Variants in BICRAL observed in about 807,000 individuals in gnomAD.
BICRAL encodes the protein BRD4-interacting chromatin-remodeling complex-associated protein-like.
A neutral mutation model predicts 91.8 loss-of-function variants in BICRAL; 8 were observed. The ratio of observed to expected loss-of-function variants is 0.09; its 90% CI spans 0.05 to 0.16. The LOEUF (loss-of-function observed/expected upper bound fraction) is 0.16, where lower values mean the gene tolerates loss of function less well. BICRAL is among the 10% of genes least tolerant of loss of function. The probability of loss-of-function intolerance (pLI) is 1.00; values close to 1 mark genes in which losing one functional copy is unlikely to be tolerated. For synonymous variants in BICRAL, 445 were observed against 491.1 expected (o/e 0.91, Z 1.24); for missense variants, 1,038 against 1,310.9 (o/e 0.79, Z 3.21).
chr6:42,836,219 T>G (rs1764634230), intron 6 of BICRAL, among the ~76,000 whole-genome samples: 1 of 152,204 alleles, frequency 6.6e-6, no homozygotes, highest in African/African-American at 2.4e-5. Flanking sequence ...ATGTTTATTA[T>G]AATTAATTAA....
At chr6:42,849,060 T>C (rs1765102669) in intron 6 of BICRAL, among the ~76,000 whole-genome samples, 1 of 152,084 alleles carries the variant, frequency 6.6e-6, no homozygotes, top group Non-Finnish European at 1.5e-5. Context: ...ATAGTTTAGG[T>C]TCACCCTTCC....
intron 6 of BICRAL, among the ~76,000 whole-genome samples, chr6:42,848,061 G>A (rs1242785395): frequency 3.3e-4 from 50 of 151,958 alleles, no homozygotes; most frequent in African/African-American, 1.1e-3. Context: ...CCCAGGAGGC[G>A]GAGCTTGCAG....
intron 7 of BICRAL, 107 bp from the exon 8 acceptor site, chr6:42,853,531 C>A (rs1356586030): frequency 1.3e-6 from 1 of 755,576 alleles, no homozygotes; most frequent in East Asian, 2.5e-5. Flanking sequence ...GATAAAGAAA[C>A]CCGTTTCAGA....
intron 1 of BICRAL, among the ~76,000 whole-genome samples, chr6:42,756,619 T>C (rs12195802): frequency 0.26 from 39,784 of 151,844 alleles, 5,422 homozygotes; most frequent in African/African-American, 0.31. Context: ...AAATGAGGTT[T>C]TTATTGCCCC....
rs1237051806 is a variant in BICRAL at position 42,864,892 on chromosome 6, A to G, written c.2686A>G (p.Lys896Glu). 1 of 1,614,078 alleles carries G rather than the reference A, an allele frequency of 6.2e-7. No individual in the cohort carries two copies. Among genetic ancestry groups the G allele is most frequent in the East Asian group, 2.2e-5 (1 of 44,900 alleles). ...VVSAEGNISK[K>E]TECLGRALKF... ...CTCTGCAGAAGGAAACATTTCTAAA[A>G]AAACAGAATGCCTTGGCAGAGCACT... Residue 896 changes from lysine to glutamate, a missense_variant, in exon 13 of 13, where the codon AAA (lysine) becomes GAA (glutamate). Lys to Glu is a moderately conservative substitution (Grantham distance 56). This residue lies in a region of BICRAL where 294 missense variants were observed against 292.6 expected (regional missense o/e 1.00). Transcript: ENST00000314073.
Position 42,829,437 on chromosome 6 carries a change from C to T in BICRAL, c.1104C>T (p.Asn368=). The T allele has an allele frequency of 1.2e-6, 2 of 1,614,214 alleles. No individual in the cohort carries two copies. The highest frequency in any genetic ancestry group is 1.7e-6 in the Non-Finnish European group (2 of 1,180,036). ...HMSVNIVNQQ[N]TRKPVTSQAV... Reference sequence around the variant, plus strand: ...CTGTGAACATTGTAAACCAACAGAACACAAGAAAGCCAGTCACCTCACAGG... The same window carrying T: ...CTGTGAACATTGTAAACCAACAGAATACAAGAAAGCCAGTCACCTCACAGG... The change falls in exon 6 of 13, where the codon AAC becomes AAT. Residue 368 remains asparagine, a synonymous_variant. Transcript: ENST00000314073.
At position 42,749,092 on chromosome 6, in the gene BICRAL, G is replaced by A. The variant is rs76927851; in HGVS notation, c.-261+2069G>A. The stretch of plus-strand genomic sequence containing the variant: ...TCTTGAAAAATGAAAGAATTCTAAC[G>A]TATTATGGACTTTACCGTTTATTTA... On this transcript the variant is annotated intron_variant, in intron 1 of 14. Transcript: ENST00000614467. Among the ~76,000 whole-genome samples, 1,146 of 152,194 alleles carry A rather than the reference G, an allele frequency of 7.5e-3. 13 individuals are homozygous for A. The highest frequency in any genetic ancestry group is 0.027 in the African/African-American group (1,109 of 41,514).
chr6:42,856,024 CT>C, intron 9 of BICRAL, 107 bp downstream of exon 9: 1 of 932,586 alleles, frequency 1.1e-6, no homozygotes, highest in Non-Finnish European at 1.7e-6. Flanking sequence ...GTATATTAGC[CT>C]TTTTAAAAAT....
chr6:42,793,296 A>ATTTTTTTTTTTTTTTTTTTTTTTTTT (rs35332872), intron 1 of BICRAL, among the ~76,000 whole-genome samples: 1 of 22,974 alleles, frequency 4.4e-5, no homozygotes, highest in Non-Finnish European at 7.2e-5. Flanking sequence ...GACCCAGCTA[A>ATTTTTTTTTTTTTTTTTTTTTTTTTT]TTTTTTTTTT....
chr6:42,822,052 T>G lies in BICRAL; in HGVS notation c.30T>G (p.Leu10=), dbSNP rs756522157. 7.1e-5 allele frequency: 114 copies of G among 1,606,568 alleles called. 3 individuals carry two copies. The South Asian group carries it at 1.1e-3, about 15-fold the overall frequency. The change falls in exon 3 of 13, where the codon CTT becomes CTG. Residue 10 remains leucine, a synonymous_variant. Transcript: ENST00000314073. The stretch of plus-strand genomic sequence containing the variant: ...ATGATGATGATGACTCGTGTCTCCT[T>G]GATCTTATTGGGTAAGATGCTTATT... MDDDDDSCL[L]DLIGDPQALN...
chr6:42,830,723 T>A (rs1305483958), intron 6 of BICRAL, among the ~76,000 whole-genome samples: 3 of 152,126 alleles, frequency 2.0e-5, no homozygotes, highest in African/African-American at 7.2e-5. Flanking sequence ...TCAGATGATC[T>A]TCCCACCTCA....
intron 1 of BICRAL, among the ~76,000 whole-genome samples, chr6:42,776,799 A>C (rs1297346392): frequency 6.6e-6 from 1 of 152,248 alleles, no homozygotes; most frequent in African/African-American, 2.4e-5. Context: ...AAATGGCAGT[A>C]ATAAAACTGG....
chr6:42,848,438 G>A (rs551094431), intron 6 of BICRAL, among the ~76,000 whole-genome samples: 1 of 152,258 alleles, frequency 6.6e-6, no homozygotes, highest in Non-Finnish European at 1.5e-5. Flanking sequence ...ATCCTCAAGC[G>A]ATTGCAAATT....
At chr6:42,831,323 C>T (rs557677860) in intron 6 of BICRAL, among the ~76,000 whole-genome samples, 3 of 152,282 alleles carry the variant, frequency 2.0e-5, no homozygotes, top group Admixed American at 2.0e-4. Context: ...CTCAGGGACT[C>T]AGTGTGACTC....
At chr6:42,828,184 C>T (rs553263779) in intron 5 of BICRAL, among the ~76,000 whole-genome samples, 82 of 152,038 alleles carry the variant, frequency 5.4e-4, no homozygotes, top group African/African-American at 1.9e-3. Context: ...GAGGCCGAGG[C>T]GGGCAGATCA....
intron 1 of BICRAL, among the ~76,000 whole-genome samples, chr6:42,756,092 T>C (rs543040151): frequency 6.6e-6 from 1 of 152,222 alleles, no homozygotes; most frequent in African/African-American, 2.4e-5. Context: ...CCAAGTGATG[T>C]TCTAACTTTC....
chr6:42,829,997 C>T lies in BICRAL; in HGVS notation c.1664C>T (p.Ser555Phe), dbSNP rs778311910. 2 of 1,614,092 alleles carry T rather than the reference C, an allele frequency of 1.2e-6. No individual in the cohort carries two copies. Among genetic ancestry groups the T allele is most frequent in the South Asian group, 2.2e-5 (2 of 91,086 alleles). ...SASTAHPSLG[S>F]AVQSGSSGSN... Reference sequence around the variant, plus strand: ...AGCACTGCCCATCCTAGTCTTGGGTCTGCAGTTCAGTCTGGTTCATCAGGA... The same window carrying T: ...AGCACTGCCCATCCTAGTCTTGGGTTTGCAGTTCAGTCTGGTTCATCAGGA... The change falls in exon 6 of 13, where the codon TCT (serine) becomes TTT (phenylalanine). Residue 555 changes from serine to phenylalanine, a missense_variant. By Grantham distance (155) the Ser-to-Phe change is radical. Around this residue, in one of 5 missense-constraint regions of BICRAL, gnomAD observed 532 missense variants for 724.9 expected, o/e 0.73. Transcript: ENST00000314073.
rs544280249 is a variant in BICRAL at position 42,776,541 on chromosome 6, T to A, written c.-260-5298T>A. 1.9e-3 allele frequency among the ~76,000 whole-genome samples: 284 copies of A among 151,536 alleles called. 7 individuals carry two copies. Among genetic ancestry groups the A allele is most frequent in the Non-Finnish European group, 7.1e-4 (48 of 67,874 alleles). On this transcript the variant is annotated intron_variant, in intron 1 of 14. Coordinates refer to the BICRAL transcript ENST00000614467. ...TTTTGTATTTTTTGTAGAAATGGGATCTGACCATGTTGCCCAGGCTGGTCT... is the reference window on the plus strand; with the variant it reads ...TTTTGTATTTTTTGTAGAAATGGGAACTGACCATGTTGCCCAGGCTGGTCT...
At position 42,866,999 on chromosome 6, in the gene BICRAL, CCTT is replaced by C. The variant is rs765559190; in HGVS notation, c.*1557_*1559del. The C allele has an allele frequency of 1.5e-5, 6 of 392,624 alleles. No individual in the cohort carries two copies. Among genetic ancestry groups the C allele is most frequent in the Admixed American group, 5.8e-5 (2 of 34,346 alleles). 24.3% of individuals were successfully genotyped at this position (392,624 alleles called of 1,614,324 possible). A position where few individuals can be genotyped will look rare whatever the true frequency, so the allele number is the denominator to read the frequency against. The stretch of plus-strand genomic sequence containing the variant: ...GTTACAGTGTGTGCACACTCACTCT[CCTT>C]CTTAGTGTGCATACTCTCTCATTTA... On this transcript the variant is annotated 3_prime_UTR_variant, in exon 13 of 13. Coordinates refer to ENST00000314073, the MANE Select transcript of BICRAL (RefSeq NM_001393499.1).
Sources: gnomAD v4.1 joint callset for allele counts (sites outside exome capture counted in the v4.1 genomes callset) on GRCh38, gnomAD v4.1.1 for gene constraint, gnomAD v4.1.1 regional missense constraint, MANE v1.5 for transcripts, NCBI Gene and HGNC (gene_info 2026-07-23, HGNC 2026-07-21) for gene names.